The following PRSS22 variants were observed in gnomAD, a reference collection of about 807,000 sequenced individuals.
PRSS22 encodes the protein brain-specific serine protease 4.
In PRSS22, 26 loss-of-function variants were observed where a neutral mutation model predicts 28.0. The ratio of observed to expected loss-of-function variants is 0.93; its 90% CI spans 0.68 to 1.29. PRSS22 has a LOEUF of 1.29. Ranked by LOEUF, PRSS22 falls within the 50% of genes most tolerant of loss-of-function variation. The pLI is 0.00. For missense variants in PRSS22, 444 were observed against 422.1 expected, an observed-to-expected ratio of 1.05 and a Z score of -0.46; for synonymous variants, 217 against 177.9, an observed-to-expected ratio of 1.22 and a Z score of -1.75.
At position 2,853,127 on chromosome 16, in the gene PRSS22, G is replaced by A; in HGVS notation, c.920C>T (p.Pro307Leu). ...CGCGGCGGCCCCAGAGCCCTGGCTC[G>A]GTGCCCTGAGGGCCCCACCCCCCTG... is the stretch of plus-strand genomic sequence containing the variant. ...RAQGGGALRAPSQGSGAAARS is the reference protein window; with the variant it reads ...RAQGGGALRALSQGSGAAARS The change falls in exon 6 of 6, where the codon CCG (proline) becomes CTG (leucine). Residue 307 changes from proline to leucine, a missense_variant. Pro to Leu is a moderately conservative substitution (Grantham distance 98, BLOSUM62 -3). Coordinates refer to ENST00000161006, the MANE Select transcript of PRSS22 (RefSeq NM_022119.4). This position sits in a 1 kb window ranked among gnomAD's most constrained non-coding sequence, Gnocchi z 4.6. The A allele has an allele frequency of 6.3e-7, 1 of 1,595,814 alleles. No homozygotes were observed. Among genetic ancestry groups the A allele is most frequent in the South Asian group, 1.1e-5 (1 of 90,858 alleles).
At chr16:2,854,172 G>T in intron 4 of PRSS22, 150 bp from the exon 5 acceptor site, 1 of 844,286 alleles carries the variant, frequency 1.2e-6, no homozygotes, top group Non-Finnish European at 1.8e-6. Context: ...GATGCCTTCA[G>T]AAAATTGAAA....
intron 2 of PRSS22, 71 bp downstream of exon 2, chr16:2,856,751 G>A: frequency 6.5e-7 from 1 of 1,527,076 alleles, no homozygotes; most frequent in Non-Finnish European, 8.9e-7. Flanking sequence ...CCAGGGGACG[G>A]ACACATAGAC....
Position 2,853,308 on chromosome 16 carries a change from T to C in PRSS22, c.739A>G (p.Met247Val). ...AGCCAGGCGCCGTCCACCTGGCACA[T>C]GAGGGGGCCCCCGGAGTCGCCCTGC... Reference protein sequence around the residue: ...ACLGDSGGPLMCQVDGAWLLA... With the variant: ...ACLGDSGGPLVCQVDGAWLLA... The change falls in exon 6 of 6, where the codon ATG (methionine) becomes GTG (valine). Residue 247 changes from methionine (M) to valine (V), a missense_variant. By Grantham distance (21) the Met-to-Val change is conservative. Coordinates refer to ENST00000161006, the MANE Select transcript of PRSS22 (RefSeq NM_022119.4). This position sits in a 1 kb window ranked among gnomAD's most constrained non-coding sequence, Gnocchi z 4.6. 6.3e-7 allele frequency: 1 copy of C among 1,597,770 alleles called. No individual in the cohort carries two copies. Among genetic ancestry groups the C allele is most frequent in the Non-Finnish European group, 8.5e-7 (1 of 1,178,954 alleles).
chr16:2,857,378 G>A (rs912101099), intron 1 of PRSS22, among the ~76,000 whole-genome samples: 4 of 151,268 alleles, frequency 2.6e-5, no homozygotes, highest in Non-Finnish European at 1.5e-5. Context: ...CAGTGAGGAG[G>A]GGTCCCAGCG....
intron 1 of PRSS22, 64 bp from the exon 2 acceptor site, chr16:2,856,912 C>T: frequency 2.6e-6 from 4 of 1,534,700 alleles, no homozygotes; most frequent in Non-Finnish European, 3.5e-6. Flanking sequence ...GGTGAGGGGC[C>T]CTCAACGCCC....
intron 1 of PRSS22, 166 bp from the exon 2 acceptor site, chr16:2,857,014 C>T: frequency 1.3e-6 from 1 of 781,068 alleles, no homozygotes; most frequent in Non-Finnish European, 2.1e-6. Context: ...TCCCTCAGCG[C>T]CCAGTGAGGA....
At chr16:2,857,521 C>T in intron 1 of PRSS22, 1 of 182,764 alleles carries the variant, frequency 5.5e-6, no homozygotes, top group Non-Finnish European at 1.1e-5. Flanking sequence ...ACCGGCGGGG[C>T]ATTTCCTGGG....
chr16:2,853,084 C>T lies in PRSS22; in HGVS notation c.*9G>A, dbSNP rs1391099209. On this transcript the variant is annotated 3_prime_UTR_variant, in exon 6 of 6. Transcript: ENST00000161006. The surrounding 1 kb of genome is among the most constrained non-coding windows in gnomAD (Gnocchi z 4.6). ...CCTTTCAGATCCGAGCCCCGCGTCCCGCTGCGCCCTAGGAGCGCGCGGCGG... is the reference window on the plus strand; with the variant it reads ...CCTTTCAGATCCGAGCCCCGCGTCCTGCTGCGCCCTAGGAGCGCGCGGCGG... 1.9e-6 allele frequency: 3 copies of T among 1,547,898 alleles called. No homozygotes were observed. The highest frequency in any genetic ancestry group is 2.7e-5 in the African/African-American group (2 of 73,096).
Position 2,853,417 on chromosome 16 carries a change from C to G in PRSS22, c.718-88G>C, listed in dbSNP as rs1489288031. ...GTGCCCTGTCAGGGGGCAGATGAGCCCCTTCCCGGGAGCCCGTTTCTCCTT... is the reference window on the plus strand; with the variant it reads ...GTGCCCTGTCAGGGGGCAGATGAGCGCCTTCCCGGGAGCCCGTTTCTCCTT... On this transcript the variant is annotated intron_variant, in intron 5 of 5. Coordinates refer to ENST00000161006, the MANE Select transcript of PRSS22 (RefSeq NM_022119.4). This position sits in a 1 kb window ranked among gnomAD's most constrained non-coding sequence, Gnocchi z 4.6. The G allele has an allele frequency of 3.6e-6, 4 of 1,110,886 alleles. No individual in the cohort carries two copies. The East Asian group carries it at 1.0e-4, about 28-fold the overall frequency. 68.8% of individuals were successfully genotyped at this position (1,110,886 alleles called of 1,614,324 possible). A position where few individuals can be genotyped will look rare whatever the true frequency, so the allele number is the denominator to read the frequency against.
At chr16:2,857,800 T>C in intron 1 of PRSS22, 1 of 385,008 alleles carries the variant, frequency 2.6e-6, no homozygotes, top group East Asian at 3.7e-5. Context: ...ACGCCGACGG[T>C]AACTGGAGAC....
chr16:2,855,510 C>A, intron 4 of PRSS22, 64 bp downstream of exon 4: 1 of 1,574,478 alleles, frequency 6.4e-7, no homozygotes, highest in Admixed American at 1.7e-5. Flanking sequence ...GTCTGTGTCC[C>A]TGAGTGTCTG....
chr16:2,853,375 G>T lies in PRSS22; in HGVS notation c.718-46C>A. On this transcript the variant is annotated intron_variant, in intron 5 of 5. Coordinates refer to ENST00000161006, the MANE Select transcript of PRSS22 (RefSeq NM_022119.4). This position sits in a 1 kb window ranked among gnomAD's most constrained non-coding sequence, Gnocchi z 4.6. ...TAGGAACCCCCGTGGCACAGGGGGT[G>T]GCAGAATCCAGGGCCCGTGCCCTGT... The T allele has an allele frequency of 6.7e-7, 1 of 1,496,974 alleles. No homozygotes were observed. Among genetic ancestry groups the T allele is most frequent in the Non-Finnish European group, 9.1e-7 (1 of 1,101,742 alleles). 92.7% of individuals were successfully genotyped at this position (1,496,974 alleles called of 1,614,324 possible). A position where few individuals can be genotyped will look rare whatever the true frequency, so the allele number is the denominator to read the frequency against.
rs1184505971 is a variant in PRSS22 at position 2,856,286 on chromosome 16, A to G, written c.110-33T>C. On this transcript the variant is annotated intron_variant, in intron 2 of 5. Transcript: ENST00000161006. ...GTACGGTCAAGTTTTGTTATCTCCA[A>G]CTTCCTACAACCCACCCCCGGAATC... is the stretch of plus-strand genomic sequence containing the variant. 3 of 1,608,346 alleles carry G rather than the reference A, an allele frequency of 1.9e-6. No individual in the cohort carries two copies. In the Admixed American group the frequency reaches 5.0e-5, roughly 27 times the overall value.
chr16:2,856,726 C>T (rs2069461193), intron 2 of PRSS22, 96 bp downstream of exon 2: 1 of 1,435,652 alleles, frequency 7.0e-7, no homozygotes, highest in Non-Finnish European at 9.6e-7. Context: ...ACCCCAGCCC[C>T]TTTCTGACCT....
chr16:2,855,572 AC>A lies in PRSS22; in HGVS notation c.559+1del. 1 of 1,612,134 alleles carries A rather than the reference AC, an allele frequency of 6.2e-7. No individual in the cohort carries two copies. The highest frequency in any genetic ancestry group is 8.5e-7 in the Non-Finnish European group (1 of 1,179,616). ...ACCACCTTGGAGAGGAAGAAGCCGCACCTCCATCTTGGATGCTCCCCCAGCC... is the reference window on the plus strand; with the variant it reads ...ACCACCTTGGAGAGGAAGAAGCCGCACTCCATCTTGGATGCTCCCCCAGCC... On this transcript the variant is annotated splice_donor_variant, in intron 4 of 5. Transcript: ENST00000161006. LOFTEE classifies it high-confidence loss of function.
At position 2,853,048 on chromosome 16, in the gene PRSS22, G is replaced by A. The variant is rs774871391; in HGVS notation, c.*45C>T. On this transcript the variant is annotated 3_prime_UTR_variant, in exon 6 of 6. Coordinates refer to ENST00000161006, the MANE Select transcript of PRSS22 (RefSeq NM_022119.4). The surrounding 1 kb of genome is among the most constrained non-coding windows in gnomAD (Gnocchi z 4.6). ...CCGCCGCAGATCCAGATCCAGATGT[G>A]GATCTGGCCGCCTTTCAGATCCGAG... The A allele has an allele frequency of 7.5e-7, 1 of 1,329,560 alleles. No homozygotes were observed. Among genetic ancestry groups the A allele is most frequent in the African/African-American group, 1.5e-5 (1 of 67,346 alleles). The allele number at this position is 1,329,560 out of a possible 1,614,324, so 82.4% of individuals were successfully genotyped here. A position where few individuals can be genotyped will look rare whatever the true frequency, so the allele number is the denominator to read the frequency against.
intron 2 of PRSS22, among the ~76,000 whole-genome samples, chr16:2,856,573 T>C (rs1444273002): frequency 1.3e-5 from 2 of 150,878 alleles, no homozygotes; most frequent in Non-Finnish European, 3.0e-5. Flanking sequence ...GGTCTCTCCC[T>C]CCCCCTCTTT....
intron 1 of PRSS22, chr16:2,857,049 G>T: frequency 1.6e-6 from 1 of 640,736 alleles, no homozygotes; most frequent in Non-Finnish European, 2.7e-6. Context: ...CCCTGAGGAG[G>T]GTCCCTCAGC....
Position 2,856,186 on chromosome 16 carries a change from G to C in PRSS22, c.177C>G (p.Ser59Arg), listed in dbSNP as rs574367142. 1 of 1,613,800 alleles carries C rather than the reference G, an allele frequency of 6.2e-7. No individual in the cohort carries two copies. ...GGATGCTCACGATCCAGGGCCACTC[G>C]CTGTCAGTGCTGTCCTCGCCGCCCA... ...RVVGGEDSTD[S>R]EWPWIVSIQK... Residue 59 changes from serine to arginine, a missense_variant, in exon 3 of 6, where the codon AGC becomes AGG. By Grantham distance (110) the Ser-to-Arg change is moderately radical (BLOSUM62 -1). Transcript: ENST00000161006.
Sources: gnomAD v4.1 joint callset for allele counts (sites outside exome capture counted in the v4.1 genomes callset) on GRCh38, gnomAD v4.1.1 for gene constraint, Gnocchi (gnomAD v3.1) non-coding constraint, MANE v1.5 for transcripts, NCBI Gene and HGNC (gene_info 2026-07-23, HGNC 2026-07-21) for gene names.